The following PRKG1 variants were observed in gnomAD, a reference collection of about 807,000 sequenced individuals.
PRKG1 encodes cGMP-dependent protein kinase 1.
PRKG1 carries 35 observed loss-of-function variants against 88.1 expected under a neutral mutation model. The observed-to-expected ratio is 0.40, with a 90% CI of 0.30 to 0.53. PRKG1 has a LOEUF of 0.53. Ranked by LOEUF, PRKG1 falls within the 20% of genes least tolerant of loss-of-function variation. The pLI, the probability that PRKG1 is intolerant of heterozygous loss-of-function variation, is 0.59. For missense variants in PRKG1, 540 were observed against 839.8 expected, an observed-to-expected ratio of 0.64 and a Z score of 4.41; for synonymous variants, 303 against 292.5, an observed-to-expected ratio of 1.04 and a Z score of -0.37.
intron 5 of PRKG1, among the ~76,000 whole-genome samples, chr10:51,928,849 G>T (rs755851306): frequency 1.3e-5 from 2 of 152,100 alleles, no homozygotes; most frequent in Admixed American, 1.3e-4. Flanking sequence ...CACAGCCTTC[G>T]CAATTATATA....
intron 3 of PRKG1, among the ~76,000 whole-genome samples, chr10:51,518,983 T>A (rs943889373): frequency 6.6e-6 from 1 of 152,230 alleles, no homozygotes; most frequent in Non-Finnish European, 1.5e-5. Context: ...AGAGCCTTTA[T>A]GTGAGTGATC....
At chr10:51,432,755 T>C (rs1838806711) in intron 2 of PRKG1, among the ~76,000 whole-genome samples, 1 of 152,162 alleles carries the variant, frequency 6.6e-6, no homozygotes, top group Admixed American at 6.6e-5. Context: ...AACATACAGA[T>C]TGTTCTTTAC....
chr10:51,635,411 T>C (rs1839633015), intron 3 of PRKG1, among the ~76,000 whole-genome samples: 1 of 151,832 alleles, frequency 6.6e-6, no homozygotes, highest in Non-Finnish European at 1.5e-5. Context: ...GTATTCAAAA[T>C]AAGAGCAAAA....
intron 2 of PRKG1, among the ~76,000 whole-genome samples, chr10:51,259,185 CA>C (rs1204546825): frequency 6.6e-6 from 1 of 152,102 alleles, no homozygotes; most frequent in Non-Finnish European, 1.5e-5. Flanking sequence ...TATATACACA[CA>C]TATACGTATA....
chr10:51,929,312 C>T (rs2132999202), intron 5 of PRKG1, among the ~76,000 whole-genome samples: 1 of 151,276 alleles, frequency 6.6e-6, no homozygotes, highest in African/African-American at 2.4e-5. Context: ...TAATCTTCTT[C>T]CTAGCATTGC....
intron 8 of PRKG1, among the ~76,000 whole-genome samples, chr10:52,140,606 T>C (rs1051872024): frequency 3.3e-5 from 5 of 152,182 alleles, no homozygotes; most frequent in Non-Finnish European, 7.3e-5. Context: ...GAGATTAAAA[T>C]GGTTCTCTGC....
chr10:51,880,111 A>G (rs1269554914), intron 4 of PRKG1, among the ~76,000 whole-genome samples: 1 of 152,204 alleles, frequency 6.6e-6, no homozygotes, highest in East Asian at 1.9e-4. Flanking sequence ...GCACAAGAAA[A>G]TTTTATTGTA....
At chr10:51,970,581 T>G (rs2133089056) in intron 5 of PRKG1, among the ~76,000 whole-genome samples, 1 of 150,624 alleles carries the variant, frequency 6.6e-6, no homozygotes, top group East Asian at 1.9e-4. Flanking sequence ...ATTTTTTTAT[T>G]TATTTAGTTT....
At chr10:51,674,517 A>G (rs1421423736) in intron 3 of PRKG1, among the ~76,000 whole-genome samples, 3 of 152,192 alleles carry the variant, frequency 2.0e-5, no homozygotes, top group East Asian at 1.9e-4. Context: ...ATATGAAAAA[A>G]TTATCATTTC....
intron 10 of PRKG1, among the ~76,000 whole-genome samples, chr10:52,253,860 G>A (rs1241196926): frequency 6.6e-6 from 1 of 151,810 alleles, no homozygotes; most frequent in African/African-American, 2.4e-5. Flanking sequence ...ACATCGGGAC[G>A]GAGTGCACGT....
chr10:51,184,390 T>A (rs1182010089), intron 2 of PRKG1, among the ~76,000 whole-genome samples: 1 of 152,242 alleles, frequency 6.6e-6, no homozygotes, highest in Non-Finnish European at 1.5e-5. Flanking sequence ...TCAATATTGT[T>A]GCTTTTTGTT....
At chr10:51,891,449 T>A (rs1422099340) in intron 4 of PRKG1, among the ~76,000 whole-genome samples, 1 of 152,218 alleles carries the variant, frequency 6.6e-6, no homozygotes, top group African/African-American at 2.4e-5. Context: ...TTTGACTATA[T>A]GACCTGAGTT....
chr10:52,197,008 G>A (rs779548217), intron 9 of PRKG1, among the ~76,000 whole-genome samples: 10 of 152,112 alleles, frequency 6.6e-5, no homozygotes, highest in Non-Finnish European at 1.2e-4. Flanking sequence ...AATAGTAATA[G>A]CAAATGTGAT....
At chr10:51,969,142 G>A (rs1843644415) in intron 5 of PRKG1, among the ~76,000 whole-genome samples, 1 of 152,146 alleles carries the variant, frequency 6.6e-6, no homozygotes, top group East Asian at 1.9e-4. Flanking sequence ...GCTCAATTAT[G>A]ATATAAAGTA....
chr10:52,286,732 AT>A (rs201313965), intron 14 of PRKG1, among the ~76,000 whole-genome samples: 221 of 150,018 alleles, frequency 1.5e-3, no homozygotes, highest in African/African-American at 4.6e-3. Flanking sequence ...ATTCAGTTTG[AT>A]TTTTTTTTTA....
intron 4 of PRKG1, among the ~76,000 whole-genome samples, chr10:51,842,754 A>G (rs544194365): frequency 1.3e-5 from 2 of 152,274 alleles, no homozygotes; most frequent in East Asian, 3.9e-4. Flanking sequence ...CTCAATCTGT[A>G]TCTATTTATC....
At chr10:51,586,377 T>C (rs1367537163) in intron 3 of PRKG1, among the ~76,000 whole-genome samples, 1 of 152,068 alleles carries the variant, frequency 6.6e-6, no homozygotes, top group African/African-American at 2.4e-5. Flanking sequence ...AGGGAAAAAG[T>C]AGTTAGATGG....
chr10:51,343,209 T>A (rs529101499), intron 2 of PRKG1, among the ~76,000 whole-genome samples: 2 of 152,322 alleles, frequency 1.3e-5, no homozygotes, highest in South Asian at 4.1e-4. Context: ...TTCTTGTATA[T>A]CTTTTTTTTC....
chr10:51,029,903 T>C (rs1843258920), intron 1 of PRKG1, among the ~76,000 whole-genome samples: 2 of 152,138 alleles, frequency 1.3e-5, no homozygotes, highest in South Asian at 4.1e-4. Flanking sequence ...TCACATGTTC[T>C]CATGTGGGGA....
Sources: allele counts gnomAD v4.1 joint callset (sites outside exome capture counted in the v4.1 genomes callset), GRCh38; gene constraint gnomAD v4.1.1; transcripts MANE v1.5; gene names NCBI Gene and HGNC (gene_info 2026-07-23, HGNC 2026-07-21).